Variants in TCTN2 observed in about 807,000 individuals in gnomAD.
The protein encoded by TCTN2 is tectonic-2.
Under a neutral mutation model 83.4 loss-of-function variants are expected in TCTN2, and 66 were observed. That is an observed-to-expected ratio of 0.79 (90% confidence interval 0.65 to 0.97). TCTN2 has a LOEUF of 0.97. Among genes scored for constraint, TCTN2 ranks in the 50% least tolerant of loss-of-function variants. TCTN2 has a pLI of 0.00. For synonymous variants in TCTN2, 301 were observed against 326.7 expected, an observed-to-expected ratio of 0.92 and a Z score of 0.85; for missense variants, 794 against 858.1, an observed-to-expected ratio of 0.93 and a Z score of 0.93.
intron 15 of TCTN2, among the ~76,000 whole-genome samples, chr12:123,706,456 G>C (rs756960548): frequency 1.3e-5 from 2 of 152,222 alleles, no homozygotes; most frequent in Admixed American, 6.5e-5. Context: ...CAATGCACTG[G>C]CTGGAGAGGA....
intron 7 of TCTN2, among the ~76,000 whole-genome samples, chr12:123,689,511 C>CT (rs1194963248): frequency 6.6e-6 from 1 of 152,006 alleles, no homozygotes; most frequent in East Asian, 1.9e-4. Context: ...GCTTCTTTTT[C>CT]TTTTTATATT....
At chr12:123,703,312 G>A (rs749796582) in intron 14 of TCTN2, among the ~76,000 whole-genome samples, 11 of 151,746 alleles carry the variant, frequency 7.2e-5, no homozygotes, top group Non-Finnish European at 1.5e-4. Context: ...CTCCCAAGTA[G>A]CTGGGATTAC....
chr12:123,691,957 C>T (rs1213889026), intron 8 of TCTN2, among the ~76,000 whole-genome samples: 2 of 149,720 alleles, frequency 1.3e-5, no homozygotes, highest in Admixed American at 6.7e-5. Flanking sequence ...TGCGATGGCG[C>T]GATCTCGGCT....
rs1281909470 is a variant in TCTN2 at position 123,707,815 on chromosome 12, G to A, written c.*102G>A. The A allele has an allele frequency of 4.6e-5, 40 of 873,186 alleles. 1 individual carries two copies. Among genetic ancestry groups the A allele is most frequent in the Admixed American group, 1.3e-4 (7 of 53,186 alleles). The allele number at this position is 873,186 out of a possible 1,614,324, so 54.1% of individuals were successfully genotyped here. A position where few individuals can be genotyped will look rare whatever the true frequency, so the allele number is the denominator to read the frequency against. On this transcript the variant is annotated 3_prime_UTR_variant, in exon 18 of 18. Coordinates refer to ENST00000303372, the MANE Select transcript of TCTN2 (RefSeq NM_024809.5). Reference sequence around the variant, plus strand: ...CAACCTCCTCCTCTTGGGTTCAAGCGATTCTCCTGCCTCAGCCTCCGGAGA... The same window carrying A: ...CAACCTCCTCCTCTTGGGTTCAAGCAATTCTCCTGCCTCAGCCTCCGGAGA...
intron 3 of TCTN2, among the ~76,000 whole-genome samples, chr12:123,673,137 A>G (rs2135815739): frequency 6.6e-6 from 1 of 152,336 alleles, no homozygotes; most frequent in Non-Finnish European, 1.5e-5. Context: ...AGCATCTTCT[A>G]TTTAATAAGT....
intron 6 of TCTN2, 66 bp downstream of exon 6, chr12:123,687,101 G>C (rs1294899926): frequency 6.4e-7 from 1 of 1,569,682 alleles, no homozygotes; most frequent in Non-Finnish European, 8.8e-7. Context: ...CCATACTCTA[G>C]TAGGCCCTGC....
At chr12:123,700,800 T>C (rs1394316073) in intron 14 of TCTN2, among the ~76,000 whole-genome samples, 1 of 152,158 alleles carries the variant, frequency 6.6e-6, no homozygotes, top group Non-Finnish European at 1.5e-5. Flanking sequence ...TTTAAAAAAT[T>C]AGTCGAATGT....
chr12:123,671,272 T>G lies in TCTN2; in HGVS notation c.32T>G (p.Leu11Trp). Residue 11 changes from leucine to tryptophan, a missense_variant, in exon 1 of 18, where the codon TTG (leucine) becomes TGG (tryptophan). Coordinates refer to ENST00000303372, the MANE Select transcript of TCTN2 (RefSeq NM_024809.5). Reference sequence around the variant, plus strand: ...TTCCAGCCTCCGGCCGCTCTTCTTTTGAGGCTTTTCCTTCTGCAGGGCATC... The same window carrying G: ...TTCCAGCCTCCGGCCGCTCTTCTTTGGAGGCTTTTCCTTCTGCAGGGCATC... MGFQPPAALLLRLFLLQGILR... is the reference protein window; with the variant it reads MGFQPPAALLWRLFLLQGILR... The G allele has an allele frequency of 1.2e-6, 2 of 1,613,836 alleles. No individual in the cohort carries two copies. Among genetic ancestry groups the G allele is most frequent in the Non-Finnish European group, 1.7e-6 (2 of 1,179,994 alleles).
In TCTN2 at chr12:123,707,975, T is replaced by C. The variant is rs1271346905; in HGVS notation, c.*262T>C. On this transcript the variant is annotated 3_prime_UTR_variant, in exon 18 of 18. Coordinates refer to ENST00000303372, the MANE Select transcript of TCTN2 (RefSeq NM_024809.5). ...CGCCCATCTTGGCCTCCCAAAGTGC[T>C]GAGATTACAGGCATGAGCCACCGCA... The C allele has an allele frequency of 1.2e-5, 6 of 481,352 alleles. No individual in the cohort carries two copies. Among genetic ancestry groups the C allele is most frequent in the Non-Finnish European group, 2.3e-5 (6 of 264,456 alleles). The allele number at this position is 481,352 out of a possible 1,614,324, so 29.8% of individuals were successfully genotyped here. A position where few individuals can be genotyped will look rare whatever the true frequency, so the allele number is the denominator to read the frequency against.
chr12:123,685,740 T>G lies in TCTN2; in HGVS notation c.565-1096T>G, dbSNP rs1593845700. ...GGTCTTTTTTTTTTTTTTTTTTTTTTTAAGAAGCAGGGTCTTGTTCTGTTG... is the reference window on the plus strand; with the variant it reads ...GGTCTTTTTTTTTTTTTTTTTTTTTGTAAGAAGCAGGGTCTTGTTCTGTTG... On this transcript the variant is annotated intron_variant, in intron 5 of 17. Transcript: ENST00000303372. 8.5e-5 allele frequency among the ~76,000 whole-genome samples: 8 copies of G among 93,674 alleles called. No individual in the cohort carries two copies. The South Asian group carries it at 2.7e-3, about 32-fold the overall frequency. The allele number at this position is 93,674 out of a possible 152,430, so 61.5% of individuals were successfully genotyped here.
At chr12:123,674,510 C>T (rs1209587462) in intron 4 of TCTN2, among the ~76,000 whole-genome samples, 4 of 152,308 alleles carry the variant, frequency 2.6e-5, no homozygotes, top group South Asian at 2.1e-4. Flanking sequence ...CCTTGTGATC[C>T]GCCTGCCTCG....
chr12:123,689,132 A>G (rs1415858943), intron 7 of TCTN2, among the ~76,000 whole-genome samples: 2 of 146,798 alleles, frequency 1.4e-5, no homozygotes, highest in Admixed American at 6.9e-5. Context: ...CGTGATCTCA[A>G]CTCCCTGCAG....
intron 7 of TCTN2, among the ~76,000 whole-genome samples, chr12:123,689,953 A>G (rs1566254009): frequency 6.6e-6 from 1 of 152,004 alleles, no homozygotes. Flanking sequence ...GGTGCATGCC[A>G]TTATACCCGG....
intron 13 of TCTN2, among the ~76,000 whole-genome samples, chr12:123,699,020 G>A (rs1956141538): frequency 6.6e-6 from 1 of 152,092 alleles, no homozygotes; most frequent in South Asian, 2.1e-4. Flanking sequence ...TAGATATATA[G>A]GTTACTTTTA....
At chr12:123,676,913 T>C (rs1955830169) in intron 4 of TCTN2, among the ~76,000 whole-genome samples, 1 of 152,116 alleles carries the variant, frequency 6.6e-6, no homozygotes, top group Non-Finnish European at 1.5e-5. Context: ...GCTCATGTAC[T>C]ATGCCTGTAA....
chr12:123,683,126 G>A (rs1292756864), intron 5 of TCTN2, among the ~76,000 whole-genome samples: 1 of 151,616 alleles, frequency 6.6e-6, no homozygotes, highest in Non-Finnish European at 1.5e-5. Flanking sequence ...CGGCGGCTGA[G>A]GCGGGAGAAT....
chr12:123,690,807 AAAGTT>A (rs1036709815), intron 8 of TCTN2, 133 bp downstream of exon 8: 59 of 1,128,566 alleles, frequency 5.2e-5, no homozygotes, highest in Admixed American at 1.4e-4. Context: ...TTCTTTGGAA[AAAGTT>A]TAGTTCCGTA....
intron 17 of TCTN2, 23 bp from the exon 18 acceptor site, chr12:123,707,581 G>T (rs2135863672): frequency 6.2e-7 from 1 of 1,604,726 alleles, no homozygotes; most frequent in Non-Finnish European, 8.5e-7. Context: ...TACTGCTGTT[G>T]AATTTTGTCC....
chr12:123,703,361 T>C (rs1956194125), intron 14 of TCTN2, among the ~76,000 whole-genome samples: 1 of 152,094 alleles, frequency 6.6e-6, no homozygotes, highest in Non-Finnish European at 1.5e-5. Flanking sequence ...TTTGTATTTT[T>C]AGTAGAGACA....
Sources: allele counts gnomAD v4.1 joint callset (sites outside exome capture counted in the v4.1 genomes callset), GRCh38; gene constraint gnomAD v4.1.1; transcripts MANE v1.5; gene names NCBI Gene and HGNC (gene_info 2026-07-23, HGNC 2026-07-21).